PPP1R9A: variants seen among roughly 807,000 people sequenced by gnomAD.
PPP1R9A encodes the protein neurabin-1.
In PPP1R9A, 59 loss-of-function variants were observed where a neutral mutation model predicts 141.9. The ratio of observed to expected loss-of-function variants is 0.42; its 90% CI spans 0.34 to 0.52. The LOEUF (loss-of-function observed/expected upper bound fraction) is 0.52, where lower values mean the gene tolerates loss of function less well. Among genes scored for constraint, PPP1R9A ranks in the 20% least tolerant of loss-of-function variants. The pLI, the probability that PPP1R9A is intolerant of heterozygous loss-of-function variation, is 0.10. For synonymous variants in PPP1R9A, 500 were observed against 569.7 expected, an observed-to-expected ratio of 0.88 and a Z score of 1.74; for missense variants, 1,444 against 1,611.9, an observed-to-expected ratio of 0.90 and a Z score of 1.78.
intron 2 of PPP1R9A, among the ~76,000 whole-genome samples, chr7:94,978,008 G>A (rs540393689): frequency 1.5e-3 from 221 of 152,166 alleles, no homozygotes; most frequent in African/African-American, 5.2e-3. Context: ...TGATCCACCC[G>A]CCTCGGCCTC....
chr7:95,236,160 A>G (rs1323642780), intron 8 of PPP1R9A, among the ~76,000 whole-genome samples: 1 of 152,192 alleles, frequency 6.6e-6, no homozygotes, highest in Non-Finnish European at 1.5e-5. Context: ...AAAAATTTTA[A>G]CTGCCACAAA....
intron 2 of PPP1R9A, among the ~76,000 whole-genome samples, chr7:95,058,116 TTAAA>T (rs969820023): frequency 1.3e-5 from 2 of 152,182 alleles, no homozygotes; most frequent in African/African-American, 4.8e-5. Context: ...AATAATCATC[TTAAA>T]TAATACTGTA....
chr7:95,197,262 A>G (rs1233578089), intron 5 of PPP1R9A, among the ~76,000 whole-genome samples: 2 of 152,220 alleles, frequency 1.3e-5, no homozygotes, highest in Non-Finnish European at 2.9e-5. Flanking sequence ...CATCCTAGAG[A>G]CACATTATTC....
chr7:95,204,148 C>T (rs1051586082), intron 7 of PPP1R9A, among the ~76,000 whole-genome samples: 1 of 152,032 alleles, frequency 6.6e-6, no homozygotes, highest in Non-Finnish European at 1.5e-5. Flanking sequence ...CTTGATTTCT[C>T]AAAACACTAA....
intron 2 of PPP1R9A, among the ~76,000 whole-genome samples, chr7:95,097,133 C>G (rs1163275444): frequency 6.6e-6 from 1 of 152,120 alleles, no homozygotes; most frequent in African/African-American, 2.4e-5. Flanking sequence ...AAGCGATTCT[C>G]CTGCCTCACC....
intron 2 of PPP1R9A, among the ~76,000 whole-genome samples, chr7:95,067,131 C>T (rs1462654503): frequency 1.3e-5 from 2 of 152,178 alleles, no homozygotes; most frequent in Non-Finnish European, 2.9e-5. Flanking sequence ...TATTTTTATA[C>T]ATACAGTGTC....
chr7:95,069,153 A>G (rs1489329535), intron 2 of PPP1R9A, among the ~76,000 whole-genome samples: 1 of 152,196 alleles, frequency 6.6e-6, no homozygotes, highest in African/African-American at 2.4e-5. Flanking sequence ...AAATGCAGCC[A>G]TCTGCAGAAC....
At chr7:95,037,124 G>A (rs1486811550) in intron 2 of PPP1R9A, 1 of 152,162 alleles carries the variant, frequency 6.6e-6, no homozygotes, top group South Asian at 2.1e-4. Flanking sequence ...GGAAAAAAAA[G>A]AGGGGGAGGG....
rs181550262 is a variant in PPP1R9A at position 95,182,795 on chromosome 7, A to G, written c.1755-15554A>G. ...AATGTTGAATATATCAGAATGGCCA[A>G]CAACCACTGTTGAGAGAAAGAGTAA... On this transcript the variant is annotated intron_variant, in intron 5 of 19. Transcript: ENST00000433360. 4.8e-3 allele frequency among the ~76,000 whole-genome samples: 731 copies of G among 152,290 alleles called. 7 individuals are homozygous for G. Among genetic ancestry groups the G allele is most frequent in the African/African-American group, 0.016 (665 of 41,568 alleles).
intron 2 of PPP1R9A, among the ~76,000 whole-genome samples, chr7:94,945,863 ATTAATT>A (rs1192112813): frequency 6.6e-6 from 1 of 152,066 alleles, no homozygotes; most frequent in Non-Finnish European, 1.5e-5. Context: ...GAGTTTGAAT[ATTAATT>A]TTAATATACT....
chr7:95,205,017 C>CCA (rs143843788), intron 7 of PPP1R9A, among the ~76,000 whole-genome samples: 326 of 150,310 alleles, frequency 2.2e-3, no homozygotes, highest in Middle Eastern at 3.4e-3. Context: ...CACACACACG[C>CCA]CACACACACA....
intron 2 of PPP1R9A, among the ~76,000 whole-genome samples, chr7:95,056,740 A>T (rs1811550928): frequency 6.6e-6 from 1 of 152,212 alleles, no homozygotes; most frequent in Non-Finnish European, 1.5e-5. Context: ...CATGAAAGTT[A>T]TCACTGATCT....
At position 95,100,151 on chromosome 7, in the gene PPP1R9A, GGC is replaced by G. The variant is rs1818570289; in HGVS notation, c.1396-11107_1396-11106del. On this transcript the variant is annotated intron_variant, in intron 2 of 19. Coordinates refer to ENST00000433360, the MANE Select transcript of PPP1R9A (RefSeq NM_001166160.2). ...TATTTTAAATTTGAGGAGTCGTGGT[GGC>G]TCATGCCTGTAATCCCAGCACTTTC... 2.0e-5 allele frequency among the ~76,000 whole-genome samples: 3 copies of G among 152,198 alleles called. No homozygotes were observed. The East Asian group carries it at 5.8e-4, about 29-fold the overall frequency.
intron 18 of PPP1R9A, among the ~76,000 whole-genome samples, chr7:95,286,780 G>A (rs1002333082): frequency 6.6e-6 from 1 of 151,978 alleles, no homozygotes; most frequent in African/African-American, 2.4e-5. Flanking sequence ...TAAAAACAAG[G>A]GTCAAAATTA....
chr7:95,274,092 T>C lies in PPP1R9A; in HGVS notation c.3220T>C (p.Leu1074=). The change falls in exon 16 of 20, where the codon TTG becomes CTG. Residue 1074 remains leucine (L), a synonymous_variant. Transcript: ENST00000433360. ...KRKFVDLGAP[L]RRNSSKGKKW... is the part of the protein sequence containing the mutation. ...TGCTTACTATCATTACAGGGCGCCT[T>C]TGCGAAGGAATTCCAGCAAGGGAAA... 6.3e-7 allele frequency: 1 copy of C among 1,579,260 alleles called. No individual in the cohort carries two copies.
intron 2 of PPP1R9A, among the ~76,000 whole-genome samples, chr7:94,968,940 G>C (rs1398939022): frequency 6.6e-6 from 1 of 151,702 alleles, no homozygotes; most frequent in Non-Finnish European, 1.5e-5. Context: ...TTCGGCTATT[G>C]ATACTTGTGT....
At chr7:95,120,679 G>C (rs1333566856) in intron 3 of PPP1R9A, 33 bp from the exon 4 acceptor site, 1 of 1,605,126 alleles carries the variant, frequency 6.2e-7, no homozygotes, top group Non-Finnish European at 8.5e-7. Context: ...AACTTAAGTT[G>C]TTTCACCTCC....
At chr7:95,162,543 G>A (rs1830601178) in intron 5 of PPP1R9A, among the ~76,000 whole-genome samples, 1 of 152,098 alleles carries the variant, frequency 6.6e-6, no homozygotes, top group African/African-American at 2.4e-5. Context: ...CAAGTAAGAA[G>A]CAGTTTAGAG....
chr7:95,111,194 G>A, intron 2 of PPP1R9A, 65 bp from the exon 3 acceptor site: 1 of 1,451,224 alleles, frequency 6.9e-7, no homozygotes, highest in Non-Finnish European at 9.3e-7. Context: ...AACTTACATA[G>A]TTTTGGATAC....
Sources: gnomAD v4.1 joint callset for allele counts (sites outside exome capture counted in the v4.1 genomes callset) on GRCh38, gnomAD v4.1.1 for gene constraint, MANE v1.5 for transcripts, NCBI Gene and HGNC (gene_info 2026-07-23, HGNC 2026-07-21) for gene names.